The following FGF14 variants were observed in gnomAD, a reference collection of about 807,000 sequenced individuals.
FGF14 encodes the protein fibroblast growth factor homologous factor 4.
FGF14 carries 5 observed loss-of-function variants against 25.5 expected under a neutral mutation model. That is an observed-to-expected ratio of 0.20 (90% confidence interval 0.10 to 0.41). The LOEUF (loss-of-function observed/expected upper bound fraction) is 0.41. Among genes scored for constraint, FGF14 ranks in the 10% least tolerant of loss-of-function variants. The pLI is 1.00. For missense variants in FGF14, 222 were observed against 320.1 expected (o/e 0.69, Z 2.34); for synonymous variants, 138 against 118.3 (o/e 1.17, Z -1.08).
At chr13:101,969,959 C>T (rs986496497) in intron 1 of FGF14, among the ~76,000 whole-genome samples, 3 of 152,204 alleles carry the variant, frequency 2.0e-5, no homozygotes, top group African/African-American at 7.2e-5. Context: ...TGGGTCAGAA[C>T]ATTTCAGATG....
chr13:102,318,848 C>T (rs1018877669), intron 1 of FGF14, among the ~76,000 whole-genome samples: 2 of 152,176 alleles, frequency 1.3e-5, no homozygotes, highest in African/African-American at 4.8e-5. Flanking sequence ...ACCTGTAGAT[C>T]ATCTGAGACA....
intron 3 of FGF14, among the ~76,000 whole-genome samples, chr13:101,792,306 T>C (rs770474888): frequency 2.0e-5 from 3 of 152,128 alleles, no homozygotes; most frequent in Admixed American, 6.6e-5. Flanking sequence ...TTGCTTTGGA[T>C]TGCTGAAACA....
chr13:102,244,150 G>A (rs1336724), intron 1 of FGF14, among the ~76,000 whole-genome samples: 124,704 of 152,028 alleles, frequency 0.82, 51,759 homozygotes, highest in African/African-American at 0.95. Context: ...CATGTGTCCT[G>A]TAAAATTTAA....
At chr13:102,297,667 C>CTT (rs1170124597) in intron 1 of FGF14, among the ~76,000 whole-genome samples, 1 of 151,650 alleles carries the variant, frequency 6.6e-6, no homozygotes, top group Non-Finnish European at 1.5e-5. Flanking sequence ...AGGAGGATTG[C>CTT]TTTAGCCCAG....
At chr13:102,261,559 AACCGGGG>A (rs908738398) in intron 1 of FGF14, among the ~76,000 whole-genome samples, 1 of 152,164 alleles carries the variant, frequency 6.6e-6, no homozygotes, top group Admixed American at 6.5e-5. Flanking sequence ...CTCTTTCCCA[AACCGGGG>A]AAGGAAAGAT....
intron 1 of FGF14, among the ~76,000 whole-genome samples, chr13:101,980,484 C>T (rs1224229338): frequency 6.6e-6 from 1 of 152,048 alleles, no homozygotes; most frequent in Non-Finnish European, 1.5e-5. Flanking sequence ...TAAACTAGAG[C>T]ATTATAATAA....
chr13:102,209,559 C>T (rs2050078591), intron 1 of FGF14, among the ~76,000 whole-genome samples: 1 of 152,170 alleles, frequency 6.6e-6, no homozygotes, highest in African/African-American at 2.4e-5. Context: ...AGGCAGGTCC[C>T]TTTGGCTGAG....
chr13:102,056,806 AAT>A (rs1219380983), intron 1 of FGF14, among the ~76,000 whole-genome samples: 2 of 149,194 alleles, frequency 1.3e-5, no homozygotes, highest in Admixed American at 6.7e-5. Flanking sequence ...AACTAAAATG[AAT>A]ATATATTTAT....
intron 1 of FGF14, among the ~76,000 whole-genome samples, chr13:102,383,043 A>C (rs1263004829): frequency 6.6e-6 from 1 of 152,150 alleles, no homozygotes; most frequent in Admixed American, 6.6e-5. Flanking sequence ...TTGCACAACT[A>C]TGTGAATATA....
rs9585770 is a variant in FGF14 at position 101,748,413 on chromosome 13, A to G, written c.409-21603T>C. On this transcript the variant is annotated intron_variant, in intron 3 of 4. Coordinates refer to ENST00000376143, the MANE Select transcript of FGF14 (RefSeq NM_004115.4). ...AGCCAAATACCACATGTTCTCACTT[A>G]TAAGTGGGAGTTAAATAATCTGTAC... Among the ~76,000 whole-genome samples the G allele has an allele frequency of 1.4e-3, 213 of 152,120 alleles. 1 individual carries two copies. The highest frequency in any genetic ancestry group is 4.8e-3 in the African/African-American group (200 of 41,524).
rs534538259 is a variant in FGF14, at chr13:101,844,711, G to A, written c.408+24014C>T. On this transcript the variant is annotated intron_variant, in intron 3 of 4. Transcript: ENST00000376143. Reference sequence around the variant, plus strand: ...ATACATAGTGTACATTTCCATTGACGTTCAGGAAAAATATAATCTCCCTAT... The same window carrying A: ...ATACATAGTGTACATTTCCATTGACATTCAGGAAAAATATAATCTCCCTAT... Among the ~76,000 whole-genome samples, 10 of 151,986 alleles carry A rather than the reference G, an allele frequency of 6.6e-5. No homozygotes were observed. In the South Asian group the frequency reaches 1.7e-3, roughly 25 times the overall value.
intron 3 of FGF14, among the ~76,000 whole-genome samples, chr13:101,797,818 T>C (rs933771604): frequency 4.0e-5 from 6 of 148,248 alleles, no homozygotes; most frequent in Non-Finnish European, 8.9e-5. Context: ...TTAGAGTCAA[T>C]AAGAAAATGT....
chr13:102,238,151 A>T (rs1395388457), intron 1 of FGF14, among the ~76,000 whole-genome samples: 1 of 152,196 alleles, frequency 6.6e-6, no homozygotes, highest in African/African-American at 2.4e-5. Context: ...TTGTATTGTA[A>T]AGGCTGCACT....
chr13:101,808,714 A>G (rs1294895583), intron 3 of FGF14, among the ~76,000 whole-genome samples: 2 of 152,082 alleles, frequency 1.3e-5, no homozygotes, highest in Non-Finnish European at 2.9e-5. Context: ...AGAAGATAAG[A>G]GATTGAGCTA....
intron 1 of FGF14, among the ~76,000 whole-genome samples, chr13:102,103,502 T>C (rs972171812): frequency 2.6e-5 from 4 of 152,082 alleles, no homozygotes; most frequent in African/African-American, 9.7e-5. Context: ...CACCTCAGGT[T>C]ATAAGTAAAA....
rs544176626 is a variant in FGF14, at chr13:101,854,917, T to A, written c.408+13808A>T. On this transcript the variant is annotated intron_variant, in intron 3 of 4. Transcript: ENST00000376143. ...CTCCACAAATGAGTGTGCAGGAAAA[T>A]CCCTTAACTATAACAAAGAGAAAAA... Among the ~76,000 whole-genome samples the A allele has an allele frequency of 1.8e-4, 27 of 151,994 alleles. No individual in the cohort carries two copies. The South Asian group carries it at 4.8e-3, about 27-fold the overall frequency.
rs9585872 is a variant in FGF14, at chr13:102,197,133, T to C, written c.208+204338A>G. 8.9e-3 allele frequency among the ~76,000 whole-genome samples: 1,359 copies of C among 152,296 alleles called. 18 individuals carry two copies. The highest frequency in any genetic ancestry group is 0.031 in the African/African-American group (1,272 of 41,558). On this transcript the variant is annotated intron_variant, in intron 1 of 4. Transcript: ENST00000376131. The stretch of plus-strand genomic sequence containing the variant: ...TTGTAAGAACAGGTATTCATTTACA[T>C]TTGATGAATGTACAAATCAACCACA...
At chr13:102,378,115 T>C (rs1487026136) in intron 1 of FGF14, among the ~76,000 whole-genome samples, 3 of 152,212 alleles carry the variant, frequency 2.0e-5, no homozygotes, top group Admixed American at 6.5e-5. Flanking sequence ...CTCTGCATGA[T>C]ACTATAATGG....
chr13:102,153,961 T>C (rs2047201392), intron 1 of FGF14, among the ~76,000 whole-genome samples: 1 of 152,344 alleles, frequency 6.6e-6, no homozygotes, highest in East Asian at 1.9e-4. Flanking sequence ...CTTCTCTCTA[T>C]TGTAGCTTCA....
Sources: allele counts gnomAD v4.1 joint callset (sites outside exome capture counted in the v4.1 genomes callset), GRCh38; gene constraint gnomAD v4.1.1; transcripts MANE v1.5; gene names NCBI Gene and HGNC (gene_info 2026-07-23, HGNC 2026-07-21).